LRRC37A2: variants seen among roughly 807,000 people sequenced by gnomAD.
The protein encoded by LRRC37A2 is leucine-rich repeat-containing protein 37A2.
A neutral mutation model predicts 68.8 loss-of-function variants in LRRC37A2; 9 were observed. The observed-to-expected ratio is 0.13, with a 90% CI of 0.08 to 0.23. LRRC37A2 has a LOEUF of 0.23. Among genes scored for constraint, LRRC37A2 ranks in the 10% least tolerant of loss-of-function variants. The pLI, the probability that LRRC37A2 is intolerant of heterozygous loss-of-function variation, is 1.00. For synonymous variants in LRRC37A2, 63 were observed against 367.6 expected, an observed-to-expected ratio of 0.17 and a Z score of 9.48; for missense variants, 168 against 950.4, an observed-to-expected ratio of 0.18 and a Z score of 10.82.
chr17:47,023,176 C>T, the LRRC37A2 span, among the ~76,000 whole-genome samples: 1 of 152,180 alleles, frequency 6.6e-6, no homozygotes, highest in African/African-American at 2.4e-5. Flanking sequence ...GTTTGTTGAA[C>T]ATTTGTGCTT....
chr17:47,005,149 G>A, the LRRC37A2 span, among the ~76,000 whole-genome samples: 2 of 152,212 alleles, frequency 1.3e-5, no homozygotes, highest in Admixed American at 6.5e-5. Context: ...TGTAAGTCAC[G>A]CTTTTATTCT....
chr17:47,011,885 C>G, the LRRC37A2 span, among the ~76,000 whole-genome samples: 2 of 152,214 alleles, frequency 1.3e-5, no homozygotes, highest in African/African-American at 4.8e-5. Flanking sequence ...GGCACACACT[C>G]TCTCTCTGTC....
the LRRC37A2 span, among the ~76,000 whole-genome samples, chr17:46,715,063 G>A: frequency 6.6e-6 from 1 of 152,218 alleles, no homozygotes; most frequent in Non-Finnish European, 1.5e-5. Flanking sequence ...TCTTGTTTGT[G>A]CAGGTGGCAG....
chr17:46,786,438 A>G, the LRRC37A2 span, among the ~76,000 whole-genome samples: 1 of 152,212 alleles, frequency 6.6e-6, no homozygotes, highest in Non-Finnish European at 1.5e-5. Context: ...GCCTAGGCCC[A>G]GAGGGGTGTC....
the LRRC37A2 span, among the ~76,000 whole-genome samples, chr17:46,815,584 C>G: frequency 0.051 from 7,698 of 152,070 alleles, 256 homozygotes; most frequent in Middle Eastern, 0.17. Context: ...GAAATGGGAT[C>G]AGGAATCAGA....
At chr17:47,014,384 C>T in the LRRC37A2 span, among the ~76,000 whole-genome samples, 1 of 142,104 alleles carries the variant, frequency 7.0e-6, no homozygotes, top group Non-Finnish European at 1.5e-5. Flanking sequence ...AGCAAGACTC[C>T]ATCTCGAGAA....
the LRRC37A2 span, among the ~76,000 whole-genome samples, chr17:46,810,390 G>A: frequency 6.6e-6 from 1 of 152,156 alleles, no homozygotes; most frequent in African/African-American, 2.4e-5. Flanking sequence ...CCTCAGGAAG[G>A]AGTCCTCAGC....
the LRRC37A2 span, among the ~76,000 whole-genome samples, chr17:46,920,967 T>C: frequency 3.9e-5 from 6 of 152,180 alleles, no homozygotes; most frequent in Admixed American, 2.0e-4. Flanking sequence ...TAAAATAACT[T>C]TGAAACTTGT....
intron 6 of LRRC37A2, among the ~76,000 whole-genome samples, chr17:46,539,142 C>T (rs1383855912): frequency 4.5e-3 from 298 of 65,548 alleles, no homozygotes; most frequent in Non-Finnish European, 9.3e-3. Context: ...ACCTGGGAGG[C>T]GGAGATTGCA....
At chr17:46,853,475 G>A in the LRRC37A2 span, among the ~76,000 whole-genome samples, 2 of 147,326 alleles carry the variant, frequency 1.4e-5, no homozygotes, top group Non-Finnish European at 3.0e-5. Flanking sequence ...GGGTTCAAGC[G>A]ATTCTCCTGC....
the LRRC37A2 span, among the ~76,000 whole-genome samples, chr17:46,638,546 T>G: frequency 1.1e-4 from 6 of 54,006 alleles, no homozygotes; most frequent in African/African-American, 6.4e-4. Flanking sequence ...CCCGACTAAT[T>G]TTGTACTTTT....
the LRRC37A2 span, chr17:47,021,469 T>A: frequency 3.7e-6 from 1 of 268,676 alleles, no homozygotes; most frequent in Non-Finnish European, 6.5e-6. Context: ...TTTCTTCTCA[T>A]TTGTTGATAA....
chr17:46,776,483 C>T, the LRRC37A2 span, among the ~76,000 whole-genome samples: 1 of 152,214 alleles, frequency 6.6e-6, no homozygotes, highest in Admixed American at 6.5e-5. Context: ...TCATTATCAT[C>T]GCCATTGTCC....
the LRRC37A2 span, among the ~76,000 whole-genome samples, chr17:46,823,251 G>A: frequency 1.4e-5 from 2 of 140,414 alleles, no homozygotes; most frequent in Non-Finnish European, 3.0e-5. Context: ...TTTCATTCTT[G>A]TTGCCCAGGC....
At chr17:46,940,392 G>T in the LRRC37A2 span, 3 of 1,551,886 alleles carry the variant, frequency 1.9e-6, no homozygotes, top group African/African-American at 2.7e-5. Flanking sequence ...TGGACTGGGG[G>T]GTTGCAGCAT....
At chr17:46,790,886 G>A in the LRRC37A2 span, among the ~76,000 whole-genome samples, 1 of 152,236 alleles carries the variant, frequency 6.6e-6, no homozygotes, top group Non-Finnish European at 1.5e-5. Context: ...AAAAGGACAG[G>A]ATAAAAGATG....
chr17:46,769,632 TG>T, the LRRC37A2 span: 1 of 960,150 alleles, frequency 1.0e-6, no homozygotes. Context: ...GAAGTGGCTG[TG>T]GGGTGGGGAG....
the LRRC37A2 span, among the ~76,000 whole-genome samples, chr17:46,392,419 CTCTTTCTT>C: frequency 1.2e-3 from 68 of 55,812 alleles, 1 homozygote; most frequent in Admixed American, 6.4e-3. Flanking sequence ...TTCTCTCTCT[CTCTTTCTT>C]TCTCTCTTTC....
At chr17:47,001,156 A>C in the LRRC37A2 span, among the ~76,000 whole-genome samples, 3 of 152,152 alleles carry the variant, frequency 2.0e-5, no homozygotes, top group Non-Finnish European at 2.9e-5. Context: ...AACAAGGCGT[A>C]ATAAGGAGCC....
Sources: gnomAD v4.1 joint callset for allele counts (sites outside exome capture counted in the v4.1 genomes callset) on GRCh38, gnomAD v4.1.1 for gene constraint, MANE v1.5 for transcripts, NCBI Gene and HGNC (gene_info 2026-07-23, HGNC 2026-07-21) for gene names.